TMTC3: variants seen among roughly 807,000 people sequenced by gnomAD.
TMTC3 encodes protein O-mannosyl-transferase TMTC3.
In TMTC3, 52 loss-of-function variants were observed where a neutral mutation model predicts 92.2. The observed-to-expected ratio is 0.56, with a 90% CI of 0.45 to 0.71. TMTC3 has a LOEUF of 0.71. Ranked by LOEUF, TMTC3 falls within the 30% of genes least tolerant of loss-of-function variation. TMTC3 has a pLI of 0.00. For missense variants in TMTC3, 896 were observed against 1,057.1 expected, an observed-to-expected ratio of 0.85 and a Z score of 2.11; for synonymous variants, 339 against 363.3, an observed-to-expected ratio of 0.93 and a Z score of 0.76.
chr12:88,144,740 G>A (rs528991832), intron 1 of TMTC3, among the ~76,000 whole-genome samples: 72 of 152,276 alleles, frequency 4.7e-4, no homozygotes, highest in South Asian at 2.7e-3. Flanking sequence ...GGATACAGCA[G>A]TGAACAAGTC....
Position 88,175,113 on chromosome 12 carries a change from A to G in TMTC3, c.1320+386A>G, listed in dbSNP as rs970955677. On this transcript the variant is annotated intron_variant, in intron 9 of 13. Transcript: ENST00000266712. ...AATTAGTGGCCTTTTTTCTCTCTTA[A>G]TGGTACTTAAAATAATGATGTTATA... Among the ~76,000 whole-genome samples the G allele has an allele frequency of 1.3e-4, 20 of 151,938 alleles. 1 individual carries two copies. Among genetic ancestry groups the G allele is most frequent in the African/African-American group, 4.8e-4 (20 of 41,396 alleles).
chr12:88,176,287 A>T lies in TMTC3; in HGVS notation c.1400A>T (p.Lys467Ile). 1 of 1,612,192 alleles carries T rather than the reference A, an allele frequency of 6.2e-7. No homozygotes were observed. The highest frequency in any genetic ancestry group is 8.5e-7 in the Non-Finnish European group (1 of 1,179,004). Residue 467 changes from lysine (K) to isoleucine (I), a missense_variant, in exon 10 of 14, where the codon AAA becomes ATA. Lys to Ile is a moderately radical substitution (Grantham distance 102). Transcript: ENST00000266712. ...ENEKNFERALKYFLQATHVQP... is the reference protein window; with the variant it reads ...ENEKNFERALIYFLQATHVQP... ...GAAAAGAACTTTGAGAGAGCTTTGA[A>T]ATACTTCTTACAGGCTACCCATGTT... is the stretch of plus-strand genomic sequence containing the variant.
Position 88,160,814 on chromosome 12 carries a change from G to A in TMTC3, c.760G>A (p.Val254Ile). The A allele has an allele frequency of 2.5e-6, 4 of 1,612,316 alleles. No homozygotes were observed. Among genetic ancestry groups the A allele is most frequent in the Non-Finnish European group, 3.4e-6 (4 of 1,179,276 alleles). ...TACATTATTACTTGTTGTGATTAGA[G>A]TCCAGGTTATTCAATCCCAACTTCC... ...FSTLLLVVIRVQVIQSQLPVF... is the reference protein window; with the variant it reads ...FSTLLLVVIRIQVIQSQLPVF... The change falls in exon 6 of 14, where the codon GTC becomes ATC. Residue 254 changes from valine (V) to isoleucine (I), a missense_variant. Coordinates refer to ENST00000266712, the MANE Select transcript of TMTC3 (RefSeq NM_181783.4).
chr12:88,182,726 C>T (rs751117355), intron 10 of TMTC3, among the ~76,000 whole-genome samples: 2 of 150,370 alleles, frequency 1.3e-5, no homozygotes, highest in Non-Finnish European at 2.9e-5. Flanking sequence ...TTAGGAAATT[C>T]TTTTCTACTT....
In TMTC3 at chr12:88,160,020, CAT is replaced by C. The variant is rs1592729248; in HGVS notation, c.509-91_509-90del. 7 of 754,046 alleles carry C rather than the reference CAT, an allele frequency of 9.3e-6. No individual in the cohort carries two copies. In the East Asian group the frequency reaches 9.4e-5, roughly 10 times the overall value. 46.7% of individuals were successfully genotyped at this position (754,046 alleles called of 1,614,324 possible). The stretch of plus-strand genomic sequence containing the variant: ...CTACTAATTAATGAGAAATAGCACT[CAT>C]ATGGATATGGAATCACAAAGTTTAA... On this transcript the variant is annotated intron_variant, in intron 4 of 13. Transcript: ENST00000266712.
intron 3 of TMTC3, 100 bp downstream of exon 3, chr12:88,153,609 C>A (rs1382180032): frequency 1.5e-5 from 9 of 603,484 alleles, no homozygotes; most frequent in Non-Finnish European, 2.1e-5. Context: ...AAAAAATTAA[C>A]CCTGACTTTA....
intron 4 of TMTC3, among the ~76,000 whole-genome samples, chr12:88,154,707 C>T (rs2040985078): frequency 6.6e-6 from 1 of 151,928 alleles, no homozygotes; most frequent in African/African-American, 2.4e-5. Flanking sequence ...ATATAGATTC[C>T]AGTATTTCAG....
At chr12:88,182,127 G>A (rs2041324967) in intron 10 of TMTC3, among the ~76,000 whole-genome samples, 1 of 152,332 alleles carries the variant, frequency 6.6e-6, no homozygotes, top group East Asian at 1.9e-4. Flanking sequence ...CTGTATAGGT[G>A]ACTTTACTAA....
rs1482283925 is a variant in TMTC3 at position 88,197,926 on chromosome 12, A to G, written c.*2277A>G. On this transcript the variant is annotated 3_prime_UTR_variant, in exon 14 of 14. Transcript: ENST00000266712. ...TCCAAAAGCTCTTTGAGTGATTCTA[A>G]TTTGTAGTCAGAGTTGAAGACCACT... 1 of 156,612 alleles carries G rather than the reference A, an allele frequency of 6.4e-6. No individual in the cohort carries two copies. Among genetic ancestry groups the G allele is most frequent in the Non-Finnish European group, 1.4e-5 (1 of 71,166 alleles). The allele number at this position is 156,612 out of a possible 1,614,324, so 9.7% of individuals were successfully genotyped here.
At chr12:88,184,910 G>A (rs898986968) in intron 10 of TMTC3, among the ~76,000 whole-genome samples, 2 of 152,048 alleles carry the variant, frequency 1.3e-5, no homozygotes, top group African/African-American at 2.4e-5. Context: ...AAGTCTCTTC[G>A]AGATGATAAT....
At chr12:88,170,444 G>A (rs898115613) in intron 7 of TMTC3, among the ~76,000 whole-genome samples, 22 of 152,096 alleles carry the variant, frequency 1.4e-4, no homozygotes, top group Middle Eastern at 6.8e-3. Context: ...AATGGAAAGT[G>A]AATTCTATGC....
At chr12:88,179,736 T>C (rs1209876331) in intron 10 of TMTC3, among the ~76,000 whole-genome samples, 1 of 151,384 alleles carries the variant, frequency 6.6e-6, no homozygotes, top group African/African-American at 2.4e-5. Context: ...CAGGCCCCGG[T>C]CGCATTTATT....
chr12:88,148,598 A>G, intron 2 of TMTC3, 94 bp downstream of exon 2: 3 of 906,668 alleles, frequency 3.3e-6, no homozygotes, highest in Non-Finnish European at 4.8e-6. Flanking sequence ...CATTATCATC[A>G]CAACAGTTAC....
intron 10 of TMTC3, among the ~76,000 whole-genome samples, chr12:88,179,667 A>G (rs974601596): frequency 6.6e-6 from 1 of 152,130 alleles, no homozygotes; most frequent in African/African-American, 2.4e-5. Context: ...GAGACTGCAC[A>G]GCTTAGCACC....
At chr12:88,162,748 C>G (rs1592731228) in intron 6 of TMTC3, among the ~76,000 whole-genome samples, 1 of 152,108 alleles carries the variant, frequency 6.6e-6, no homozygotes, top group Non-Finnish European at 1.5e-5. Flanking sequence ...TAAATTTTCT[C>G]TTCATTATAG....
intron 9 of TMTC3, among the ~76,000 whole-genome samples, chr12:88,175,708 C>T (rs779497414): frequency 2.0e-5 from 3 of 152,152 alleles, no homozygotes; most frequent in Non-Finnish European, 2.9e-5. Flanking sequence ...GCAATTAGTT[C>T]CTTGGCTAGG....
intron 10 of TMTC3, among the ~76,000 whole-genome samples, chr12:88,186,862 C>T (rs1413913509): frequency 6.6e-6 from 1 of 152,028 alleles, no homozygotes; most frequent in East Asian, 1.9e-4. Context: ...GGCTGCTATA[C>T]TCTAGTGTCT....
intron 4 of TMTC3, among the ~76,000 whole-genome samples, chr12:88,159,543 G>A (rs1331796885): frequency 6.6e-6 from 1 of 151,664 alleles, no homozygotes; most frequent in East Asian, 1.9e-4. Context: ...CATGCCTGTA[G>A]TCCTATTTGG....
intron 12 of TMTC3, among the ~76,000 whole-genome samples, chr12:88,192,028 C>CTTTTTTTTTTTTTTTTTTTTT (rs112229647): frequency 3.2e-4 from 39 of 122,984 alleles, no homozygotes; most frequent in African/African-American, 9.3e-4. Flanking sequence ...TTTTTTTTTT[C>CTTTTTTTTTTTTTTTTTTTTT]TTTTTTTTTT....
Sources: gnomAD v4.1 joint callset for allele counts (sites outside exome capture counted in the v4.1 genomes callset) on GRCh38, gnomAD v4.1.1 for gene constraint, MANE v1.5 for transcripts, NCBI Gene and HGNC (gene_info 2026-07-23, HGNC 2026-07-21) for gene names.